The following NTMT1 variants were observed in gnomAD, a reference collection of about 807,000 sequenced individuals.
The protein encoded by NTMT1 is N-terminal RCC1 methyltransferase.
NTMT1 carries 8 observed loss-of-function variants against 17.5 expected under a neutral mutation model. The ratio of observed to expected loss-of-function variants is 0.46; its 90% CI spans 0.27 to 0.82. NTMT1 has a LOEUF of 0.82. NTMT1 is among the 40% of genes least tolerant of loss of function. NTMT1 has a pLI of 0.15. For missense variants in NTMT1, 221 were observed against 303.5 expected (o/e 0.73, Z 2.02); for synonymous variants, 128 against 126.8 (o/e 1.01, Z -0.06).
At position 129,614,264 on chromosome 9, in the gene NTMT1, G is replaced by A. The variant is rs1052474687; in HGVS notation, c.-55+5086G>A. On this transcript the variant is annotated intron_variant, in intron 1 of 3. Transcript: ENST00000372486. This position sits in a 1 kb window ranked among gnomAD's most constrained non-coding sequence, Gnocchi z 4.4. ...CCCACACAAGCCCATCCTGCTTCTGGGGCCTTGGTTTCCCCACCAAACAAA... is the reference window on the plus strand; with the variant it reads ...CCCACACAAGCCCATCCTGCTTCTGAGGCCTTGGTTTCCCCACCAAACAAA... Among the ~76,000 whole-genome samples, 36 of 152,118 alleles carry A rather than the reference G, an allele frequency of 2.4e-4. No individual in the cohort carries two copies. Among genetic ancestry groups the A allele is most frequent in the Non-Finnish European group, 4.3e-4 (29 of 68,030 alleles).
rs147521610 is a variant in NTMT1, at chr9:129,613,527, G to A, written c.-55+4349G>A. On this transcript the variant is annotated intron_variant, in intron 1 of 3. Coordinates refer to the NTMT1 transcript ENST00000372486. The surrounding 1 kb of genome is among the most constrained non-coding windows in gnomAD (Gnocchi z 6.2). ...TGGGCAAACTCTCCAGCCGTTTTCCGACACTCCCAAACACCCGCTCGGACG... is the reference window on the plus strand; with the variant it reads ...TGGGCAAACTCTCCAGCCGTTTTCCAACACTCCCAAACACCCGCTCGGACG... 13 of 1,614,144 alleles carry A rather than the reference G, an allele frequency of 8.1e-6. No homozygotes were observed. Among genetic ancestry groups the A allele is most frequent in the Middle Eastern group, 1.6e-4 (1 of 6,062 alleles).
chr9:129,623,122 A>G (rs929989718), upstream of NTMT1, among the ~76,000 whole-genome samples: 4 of 152,096 alleles, frequency 2.6e-5, no homozygotes, highest in Non-Finnish European at 4.4e-5. Flanking sequence ...TCATGAGGTC[A>G]GGAGATCGAG....
chr9:129,621,311 C>T (rs767194887), upstream of NTMT1, among the ~76,000 whole-genome samples: 8 of 152,166 alleles, frequency 5.3e-5, no homozygotes, highest in Admixed American at 1.3e-4. Flanking sequence ...TGATTCAGTA[C>T]GTCTCTGCTG....
intron 1 of NTMT1, among the ~76,000 whole-genome samples, chr9:129,609,665 G>C (rs930548093): frequency 1.3e-5 from 2 of 151,884 alleles, no homozygotes; most frequent in African/African-American, 2.4e-5. Flanking sequence ...GAGGGTGAGA[G>C]ATAGGCCCCC....
chr9:129,610,225 A>AG (rs1830080238), intron 1 of NTMT1, among the ~76,000 whole-genome samples: 1 of 16,626 alleles, frequency 6.0e-5, no homozygotes, highest in South Asian at 1.7e-3. Context: ...GGGAGGGGAA[A>AG]GGGGGAGGGA....
upstream of NTMT1, among the ~76,000 whole-genome samples, chr9:129,621,343 C>G (rs1315236613): frequency 6.6e-6 from 1 of 152,092 alleles, no homozygotes; most frequent in Non-Finnish European, 1.5e-5. Flanking sequence ...GTTTGTTGTT[C>G]TTGTTGTTGT....
At chr9:129,630,552 ACTTCT>A (rs1418537183) in intron 1 of NTMT1, among the ~76,000 whole-genome samples, 1 of 151,978 alleles carries the variant, frequency 6.6e-6, no homozygotes, top group Non-Finnish European at 1.5e-5. Context: ...CCCTCTGACC[ACTTCT>A]CTTGAAGCCC....
At chr9:129,610,657 G>C (rs1336127333) in intron 1 of NTMT1, among the ~76,000 whole-genome samples, 1 of 151,972 alleles carries the variant, frequency 6.6e-6, no homozygotes, top group Non-Finnish European at 1.5e-5. Context: ...GGAGCGAGAG[G>C]CTGAGAAGTT....
At chr9:129,625,405 T>C (rs1003975451), upstream of NTMT1, among the ~76,000 whole-genome samples, 6 of 152,186 alleles carry the variant, frequency 3.9e-5, no homozygotes, top group East Asian at 3.9e-4. Context: ...GGCTTTTTTT[T>C]CCCTTTTTAC....
At chr9:129,633,695 G>A (rs1458874929) in intron 2 of NTMT1, 5 of 185,040 alleles carry the variant, frequency 2.7e-5, no homozygotes, top group East Asian at 1.3e-4. Context: ...GCATGGTGGC[G>A]CATGCCTGTA....
At position 129,635,627 on chromosome 9, in the gene NTMT1, G is replaced by A. The variant is rs1831508385; in HGVS notation, c.*163G>A. The A allele has an allele frequency of 4.5e-6, 4 of 880,268 alleles. No individual in the cohort carries two copies. In the Admixed American group the frequency reaches 9.4e-5, roughly 21 times the overall value. The allele number at this position is 880,268 out of a possible 1,614,324, so 54.5% of individuals were successfully genotyped here. On this transcript the variant is annotated 3_prime_UTR_variant, in exon 4 of 4. Transcript: ENST00000372483. ...ATGCGGGCTCTTCTTCAAAAGGCAAGGTGGGACCCGGCGGGGAGGGTGCTG... is the reference window on the plus strand; with the variant it reads ...ATGCGGGCTCTTCTTCAAAAGGCAAAGTGGGACCCGGCGGGGAGGGTGCTG...
intron 1 of NTMT1, among the ~76,000 whole-genome samples, chr9:129,631,220 G>A (rs540003858): frequency 9.2e-5 from 14 of 152,282 alleles, no homozygotes; most frequent in African/African-American, 3.4e-4. Context: ...GAGTGTCCTC[G>A]ACACTTTGTG....
intron 1 of NTMT1, among the ~76,000 whole-genome samples, chr9:129,630,793 C>T (rs1439577271): frequency 1.3e-5 from 2 of 152,246 alleles, no homozygotes; most frequent in African/African-American, 4.8e-5. Flanking sequence ...GTCAGCTGCG[C>T]GTTTTCCACC....
At chr9:129,616,615 T>C (rs976974173) in intron 1 of NTMT1, among the ~76,000 whole-genome samples, 25 of 152,142 alleles carry the variant, frequency 1.6e-4, no homozygotes, top group African/African-American at 6.0e-4. Context: ...TTCTGCAGGT[T>C]TTTTTCCCTT....
chr9:129,612,915 C>T (rs1271227614), intron 1 of NTMT1, among the ~76,000 whole-genome samples: 1 of 152,114 alleles, frequency 6.6e-6, no homozygotes. Flanking sequence ...TTAGAGCCAC[C>T]CCTTGACAGC....
chr9:129,635,395 C>G lies in NTMT1; in HGVS notation c.603C>G (p.Leu201=). ...TCATCTGCAGTGCAGGCCTCAGCCT[C>G]CTGGCCGAGGAGAGGCAGGAGAACC... ...RRIICSAGLS[L]LAEERQENLP... The change falls in exon 4 of 4, where the codon CTC becomes CTG. Residue 201 remains leucine, a synonymous_variant. Transcript: ENST00000372483. The G allele has an allele frequency of 2.5e-6, 4 of 1,613,584 alleles. No individual in the cohort carries two copies. The highest frequency in any genetic ancestry group is 3.4e-6 in the Non-Finnish European group (4 of 1,179,908).
intron 1 of NTMT1, among the ~76,000 whole-genome samples, chr9:129,629,281 A>G (rs941679617): frequency 2.0e-5 from 3 of 152,206 alleles, no homozygotes; most frequent in Non-Finnish European, 4.4e-5. Flanking sequence ...AGCAGCCACC[A>G]AACCCAGCTA....
chr9:129,620,723 G>T lies in NTMT1; in HGVS notation c.-55+11545G>T. The T allele has an allele frequency of 1.5e-6, 1 of 679,226 alleles. No individual in the cohort carries two copies. Among genetic ancestry groups the T allele is most frequent in the Non-Finnish European group, 2.1e-6 (1 of 484,068 alleles). 42.1% of individuals were successfully genotyped at this position (679,226 alleles called of 1,614,324 possible). ...GTGAACGCCACCGGCCCGGCGGACAGCGAGTGGCTTCAGGCGAGAGCTCCC... is the reference window on the plus strand; with the variant it reads ...GTGAACGCCACCGGCCCGGCGGACATCGAGTGGCTTCAGGCGAGAGCTCCC... On this transcript the variant is annotated intron_variant, in intron 1 of 3. Coordinates refer to the NTMT1 transcript ENST00000372486. The surrounding 1 kb of genome is among the most constrained non-coding windows in gnomAD (Gnocchi z 5.8).
Position 129,613,067 on chromosome 9 carries a change from T to C in NTMT1, c.-55+3889T>C. The C allele has an allele frequency of 6.2e-7, 1 of 1,611,606 alleles. No individual in the cohort carries two copies. Among genetic ancestry groups the C allele is most frequent in the Non-Finnish European group, 8.5e-7 (1 of 1,179,652 alleles). ...CCCGGAGCCAGCTGCCAGCAGGGGC[T>C]CACCAGCTTCTAGGTCCAGGAGCAA... On this transcript the variant is annotated intron_variant, in intron 1 of 3. Transcript: ENST00000372486. This position sits in a 1 kb window ranked among gnomAD's most constrained non-coding sequence, Gnocchi z 6.2.
Sources: gnomAD v4.1 joint callset for allele counts (sites outside exome capture counted in the v4.1 genomes callset) on GRCh38, gnomAD v4.1.1 for gene constraint, Gnocchi (gnomAD v3.1) non-coding constraint, MANE v1.5 for transcripts, NCBI Gene and HGNC (gene_info 2026-07-23, HGNC 2026-07-21) for gene names.